CYLC2: variants seen among roughly 807,000 people sequenced by gnomAD.
CYLC2 encodes cylicin-2.
CYLC2 carries 30 observed loss-of-function variants against 26.1 expected under a neutral mutation model. The ratio of observed to expected loss-of-function variants is 1.15; its 90% CI spans 0.86 to 1.56. The LOEUF is 1.56. Ranked by LOEUF, CYLC2 falls within the 40% of genes most tolerant of loss-of-function variation. The pLI is 0.00. For missense variants in CYLC2, 498 were observed against 394.4 expected (o/e 1.26, Z -2.23); for synonymous variants, 158 against 132.8 (o/e 1.19, Z -1.31).
rs776451362 is a variant in CYLC2, at chr9:103,005,292, A to G, written c.661A>G (p.Lys221Glu). The G allele has an allele frequency of 2.2e-5, 36 of 1,613,626 alleles. No individual in the cohort carries two copies. In the Admixed American group the frequency reaches 5.7e-4, roughly 25 times the overall value. ...TACAGAGAAAGATAGCAAAAAAGGT[A>G]AAAAGGATTCAAAGAAGGGCAAGGA... ...GGTEKDSKKGKKDSKKGKDSA... is the reference protein window; with the variant it reads ...GGTEKDSKKGEKDSKKGKDSA... The change falls in exon 5 of 8, where the codon AAA (lysine) becomes GAA (glutamate). Residue 221 changes from lysine (K) to glutamate (E), a missense_variant. Lys to Glu is a moderately conservative substitution (Grantham distance 56, BLOSUM62 1). Coordinates refer to ENST00000374798, the MANE Select transcript of CYLC2 (RefSeq NM_001340.5).
chr9:103,017,411 G>T (rs371510831), intron 7 of CYLC2, among the ~76,000 whole-genome samples: 3 of 151,918 alleles, frequency 2.0e-5, no homozygotes, highest in South Asian at 4.1e-4. Context: ...ATTTCATAAA[G>T]GGCTCTCTAA....
chr9:103,011,411 C>T (rs774277739), intron 5 of CYLC2, among the ~76,000 whole-genome samples: 8 of 152,016 alleles, frequency 5.3e-5, no homozygotes, highest in Admixed American at 2.6e-4. Flanking sequence ...GCTTTGATGG[C>T]TAAGTAACTT....
Position 103,005,198 on chromosome 9 carries a change from C to T in CYLC2, c.567C>T (p.Asn189=). ...AAAAAGGAGGTGCAAAGAAAGATAA[C>T]AAAAAAGATAAAAAGGATTCAAACA... ...EDEKGGAKKD[N]KKDKKDSNKG... Residue 189 remains asparagine (N), a synonymous_variant, in exon 5 of 8, where the codon AAC becomes AAT. Transcript: ENST00000374798. 4 of 1,606,054 alleles carry T rather than the reference C, an allele frequency of 2.5e-6. No individual in the cohort carries two copies. The highest frequency in any genetic ancestry group is 3.4e-6 in the Non-Finnish European group (4 of 1,177,864).
chr9:103,005,310 G>A lies in CYLC2; in HGVS notation c.679G>A (p.Gly227Ser), dbSNP rs1400038588. 1.9e-6 allele frequency: 3 copies of A among 1,613,716 alleles called. No individual in the cohort carries two copies. Among genetic ancestry groups the A allele is most frequent in the Middle Eastern group, 3.3e-4 (2 of 6,058 alleles). ...SKKGKKDSKK[G>S]KDSAIELQAV... ...AAAAGGTAAAAAGGATTCAAAGAAG[G>A]GCAAGGATTCAGCCATAGAATTACA... Residue 227 changes from glycine to serine, a missense_variant, in exon 5 of 8, where the codon GGC becomes AGC. Gly to Ser is a moderately conservative substitution (Grantham distance 56). Transcript: ENST00000374798.
At chr9:103,014,401 T>C (rs1177310796) in intron 6 of CYLC2, among the ~76,000 whole-genome samples, 2 of 103,160 alleles carry the variant, frequency 1.9e-5, no homozygotes, top group Non-Finnish European at 3.8e-5. Flanking sequence ...TAACATAATG[T>C]ATGTTACGTA....
chr9:103,012,484 C>A (rs1829417999), intron 6 of CYLC2, among the ~76,000 whole-genome samples: 1 of 151,950 alleles, frequency 6.6e-6, no homozygotes, highest in Admixed American at 6.6e-5. Flanking sequence ...CATTCTAAGC[C>A]TTGTATATAG....
chr9:103,015,386 A>C (rs1423158873), intron 6 of CYLC2, among the ~76,000 whole-genome samples: 2 of 64,418 alleles, frequency 3.1e-5, no homozygotes, highest in East Asian at 1.0e-3. Flanking sequence ...ATATATATTA[A>C]ATATATATAT....
At chr9:103,002,237 T>C (rs1204529302) in intron 2 of CYLC2, among the ~76,000 whole-genome samples, 1 of 152,092 alleles carries the variant, frequency 6.6e-6, no homozygotes, top group Non-Finnish European at 1.5e-5. Context: ...TAATCATTTG[T>C]ATTATAGTTT....
In CYLC2 at chr9:102,995,373, T is replaced by TG. The variant is rs750992009; in HGVS notation, c.-4dup. Reference sequence around the variant, plus strand: ...TACTTAAGTCCTGGCAAGTCATAAGTGGGGAAAATGTCTCTCCCAAGATTG... The same window carrying TG: ...TACTTAAGTCCTGGCAAGTCATAAGTGGGGGAAAATGTCTCTCCCAAGATTG... On this transcript the variant is annotated 5_prime_UTR_variant, in exon 1 of 8. Coordinates refer to ENST00000374798, the MANE Select transcript of CYLC2 (RefSeq NM_001340.5). 4 of 1,604,300 alleles carry TG rather than the reference T, an allele frequency of 2.5e-6. No homozygotes were observed. The Admixed American group carries it at 6.7e-5, about 27-fold the overall frequency.
chr9:103,005,455 AG>A lies in CYLC2; in HGVS notation c.825del (p.Lys276SerfsTer80). 6.2e-7 allele frequency: 1 copy of A among 1,613,478 alleles called. No homozygotes were observed. The highest frequency in any genetic ancestry group is 1.1e-5 in the South Asian group (1 of 91,040). ...ATTAAAAAAGGTAAGAAAGATAAGA[AG>A]AAGCCCAGTAGTACAGACAGTGACT... ...KEIKKGKKDK[K>X]KPSSTDSDSK... On this transcript the variant is annotated frameshift_variant, in exon 5 of 8. Coordinates refer to ENST00000374798, the MANE Select transcript of CYLC2 (RefSeq NM_001340.5). LOFTEE classifies it low-confidence loss of function (END_TRUNC).
At chr9:103,003,731 A>G (rs1381803393) in intron 3 of CYLC2, among the ~76,000 whole-genome samples, 1 of 152,118 alleles carries the variant, frequency 6.6e-6, no homozygotes, top group Non-Finnish European at 1.5e-5. Context: ...GCACAAAATT[A>G]TGGAGTTCCT....
intron 1 of CYLC2, among the ~76,000 whole-genome samples, chr9:102,997,206 T>C (rs1476485660): frequency 6.6e-6 from 1 of 151,804 alleles, no homozygotes; most frequent in Non-Finnish European, 1.5e-5. Flanking sequence ...TAGTAGGTGC[T>C]GGGGGTAGGG....
chr9:103,017,639 C>G lies in CYLC2; in HGVS notation c.*890+678C>G, dbSNP rs758434131. ...GGACAAAGAATATCAATTGGTCCCT[C>G]TGTAACTTTTCCTAGATATAGTTGG... is the stretch of plus-strand genomic sequence containing the variant. On this transcript the variant is annotated intron_variant, in intron 7 of 7. Transcript: ENST00000374798. 3.8e-4 allele frequency among the ~76,000 whole-genome samples: 58 copies of G among 152,020 alleles called. 1 individual carries two copies. The highest frequency in any genetic ancestry group is 1.3e-4 in the Non-Finnish European group (9 of 67,990).
chr9:103,005,381 T>A lies in CYLC2; in HGVS notation c.750T>A (p.Asp250Glu). The change falls in exon 5 of 8, where the codon GAT becomes GAA. Residue 250 changes from aspartate (D) to glutamate (E), a missense_variant. Physicochemically the swap from Asp to Glu is conservative, Grantham distance 45. Transcript: ENST00000374798. Reference protein sequence around the residue: ...DEKKDEDGKKDANKGDESKDA... With the variant: ...DEKKDEDGKKEANKGDESKDA... ...AGAAGGATGAGGATGGAAAAAAAGA[T>A]GCAAACAAAGGTGATGAATCGAAGG... The A allele has an allele frequency of 2.5e-6, 4 of 1,613,584 alleles. No individual in the cohort carries two copies. Among genetic ancestry groups the A allele is most frequent in the Middle Eastern group, 1.6e-4 (1 of 6,082 alleles).
rs556515180 is a variant in CYLC2 at position 103,005,326 on chromosome 9, T to C, written c.695T>C (p.Ile232Thr). 1.1e-5 allele frequency: 17 copies of C among 1,613,578 alleles called. No individual in the cohort carries two copies. The African/African-American group carries it at 1.5e-4, about 14-fold the overall frequency. Residue 232 changes from isoleucine (I) to threonine (T), a missense_variant, in exon 5 of 8, where the codon ATA becomes ACA. Ile to Thr is a moderately conservative substitution (Grantham distance 89, BLOSUM62 -1). Coordinates refer to ENST00000374798, the MANE Select transcript of CYLC2 (RefSeq NM_001340.5). ...TCAAAGAAGGGCAAGGATTCAGCCA[T>C]AGAATTACAAGCTGTAAAAGCAGAT... Reference protein sequence around the residue: ...KDSKKGKDSAIELQAVKADEK... With the variant: ...KDSKKGKDSATELQAVKADEK...
At position 103,008,272 on chromosome 9, in the gene CYLC2, G is replaced by A. The variant is rs182309711; in HGVS notation, c.*700+1894G>A. On this transcript the variant is annotated intron_variant, in intron 5 of 7. Transcript: ENST00000374798. ...TCTACCTTTAATATCCTACTGAGGT[G>A]CGCCATCACTAAATTTTCTTGTAGT... 3.4e-3 allele frequency among the ~76,000 whole-genome samples: 515 copies of A among 152,086 alleles called. 2 individuals are homozygous for A. The highest frequency in any genetic ancestry group is 5.0e-3 in the Non-Finnish European group (343 of 67,972).
At position 103,003,818 on chromosome 9, in the gene CYLC2, C is replaced by G. The variant is rs562526580; in HGVS notation, c.180+555C>G. Among the ~76,000 whole-genome samples, 5 of 152,120 alleles carry G rather than the reference C, an allele frequency of 3.3e-5. No individual in the cohort carries two copies. The East Asian group carries it at 9.7e-4, about 29-fold the overall frequency. The stretch of plus-strand genomic sequence containing the variant: ...CCCTCATTTGAGTCATGGGATTACA[C>G]TATACCTTTAATACTTCCTCAGTTC... On this transcript the variant is annotated intron_variant, in intron 3 of 7. Transcript: ENST00000374798.
chr9:103,011,488 G>A (rs1481392969), intron 5 of CYLC2, among the ~76,000 whole-genome samples: 1 of 152,092 alleles, frequency 6.6e-6, no homozygotes, highest in Non-Finnish European at 1.5e-5. Flanking sequence ...CAGTCATTCT[G>A]TAATGGTACT....
At position 103,005,961 on chromosome 9, in the gene CYLC2, G is replaced by T. The variant is rs185841152; in HGVS notation, c.*283G>T. 3.0e-3 allele frequency: 846 copies of T among 280,514 alleles called. 8 individuals are homozygous for T. The highest frequency in any genetic ancestry group is 0.018 in the African/African-American group (774 of 44,104). 17.4% of individuals were successfully genotyped at this position (280,514 alleles called of 1,614,324 possible). A position where few individuals can be genotyped will look rare whatever the true frequency, so the allele number is the denominator to read the frequency against. On this transcript the variant is annotated 3_prime_UTR_variant, in exon 5 of 8. Coordinates refer to ENST00000374798, the MANE Select transcript of CYLC2 (RefSeq NM_001340.5). ...GGATTCAATGAATGATCTCTAGAAA[G>T]ATTTAAAGAAGAATATTCAGATAAG...
Sources: allele counts gnomAD v4.1 joint callset (sites outside exome capture counted in the v4.1 genomes callset), GRCh38; gene constraint gnomAD v4.1.1; transcripts MANE v1.5; gene names NCBI Gene and HGNC (gene_info 2026-07-23, HGNC 2026-07-21).